Variants in BABAM2 observed in about 807,000 individuals in gnomAD.
The protein encoded by BABAM2 is BRISC and BRCA1 A complex member 2.
In BABAM2, 31 loss-of-function variants were observed where a neutral mutation model predicts 54.7. The observed-to-expected ratio is 0.57, with a 90% CI of 0.43 to 0.77. The LOEUF is 0.77. Among genes scored for constraint, BABAM2 ranks in the 30% least tolerant of loss-of-function variants. BABAM2 has a pLI of 0.00. For synonymous variants in BABAM2, 167 were observed against 162.9 expected, an observed-to-expected ratio of 1.03 and a Z score of -0.19; for missense variants, 364 against 455.8, an observed-to-expected ratio of 0.80 and a Z score of 1.83.
chr2:28,040,450 G>A (rs1677005899), intron 5 of BABAM2, among the ~76,000 whole-genome samples: 1 of 150,878 alleles, frequency 6.6e-6, no homozygotes, highest in South Asian at 2.1e-4. Context: ...ACAGGCGCCC[G>A]CCACTACGCC....
intron 7 of BABAM2, among the ~76,000 whole-genome samples, chr2:28,171,554 G>C (rs182220030): frequency 6.6e-6 from 1 of 152,120 alleles, no homozygotes; most frequent in African/African-American, 2.4e-5. Flanking sequence ...AGATCTTCCC[G>C]TAATAAAGGC....
At chr2:28,158,091 A>G (rs1662780873) in intron 7 of BABAM2, among the ~76,000 whole-genome samples, 4 of 152,262 alleles carry the variant, frequency 2.6e-5, no homozygotes. Flanking sequence ...GATCACAAAT[A>G]TAATAAAAAG....
rs573042428 is a variant in BABAM2 at position 28,160,485 on chromosome 2, C to A, written c.680+31105C>A. ...TACAGAGGCAGTAATTTAAGGGAGCCCCCAGAAGTGCACGTATGCACAGTC... is the reference window on the plus strand; with the variant it reads ...TACAGAGGCAGTAATTTAAGGGAGCACCCAGAAGTGCACGTATGCACAGTC... On this transcript the variant is annotated intron_variant, in intron 7 of 11. Coordinates refer to ENST00000379624, the MANE Select transcript of BABAM2 (RefSeq NM_199191.3). Among the ~76,000 whole-genome samples, 25 of 152,256 alleles carry A rather than the reference C, an allele frequency of 1.6e-4. 1 individual carries two copies. In the South Asian group the frequency reaches 5.0e-3, roughly 30 times the overall value.
intron 6 of BABAM2, among the ~76,000 whole-genome samples, chr2:28,071,292 G>A (rs184487107): frequency 2.0e-5 from 3 of 151,710 alleles, no homozygotes; most frequent in East Asian, 3.9e-4. Flanking sequence ...TTTTCTTATC[G>A]TTTTGTTATT....
chr2:27,961,869 A>G (rs895242861), intron 3 of BABAM2, among the ~76,000 whole-genome samples: 1 of 151,494 alleles, frequency 6.6e-6, no homozygotes, highest in South Asian at 2.1e-4. Flanking sequence ...CTGGGACTAC[A>G]GGCATGCACC....
chr2:28,170,544 G>GA (rs1674210318), intron 7 of BABAM2, among the ~76,000 whole-genome samples: 1 of 151,864 alleles, frequency 6.6e-6, no homozygotes, highest in South Asian at 2.1e-4. Context: ...TATTAATACT[G>GA]AAAATAAAGA....
intron 10 of BABAM2, among the ~76,000 whole-genome samples, chr2:28,265,109 A>G (rs766246091): frequency 3.9e-4 from 59 of 152,142 alleles, no homozygotes; most frequent in Admixed American, 1.2e-3. Context: ...TTTGCCCTAT[A>G]AAGTGTGTTA....
At chr2:28,203,077 A>T (rs541778296) in intron 7 of BABAM2, among the ~76,000 whole-genome samples, 1 of 152,308 alleles carries the variant, frequency 6.6e-6, no homozygotes, top group Non-Finnish European at 1.5e-5. Flanking sequence ...GAAAGCCAAA[A>T]TGAAGTGTCA....
intron 4 of BABAM2, among the ~76,000 whole-genome samples, chr2:27,993,515 C>G (rs1371592166): frequency 1.3e-5 from 2 of 152,098 alleles, no homozygotes; most frequent in African/African-American, 4.8e-5. Flanking sequence ...GTTCATCTCC[C>G]TCAAAGGATA....
Position 27,894,625 on chromosome 2 carries a change from G to C in BABAM2, c.69G>C (p.Arg23=), listed in dbSNP as rs768775662. 3.7e-6 allele frequency: 6 copies of C among 1,614,158 alleles called. No individual in the cohort carries two copies. The highest frequency in any genetic ancestry group is 4.2e-6 in the Non-Finnish European group (5 of 1,180,014). ...CCCCTTTCATATCTAGCGTGGTCCG[G>C]AATGGAAAAGTGGGACTGGATGCTA... ...MLSPFISSVV[R]NGKVGLDATN... Residue 23 remains arginine (R), a synonymous_variant, in exon 2 of 12, where the codon CGG becomes CGC. Coordinates refer to ENST00000379624, the MANE Select transcript of BABAM2 (RefSeq NM_199191.3).
chr2:28,088,963 A>G (rs946244027), intron 6 of BABAM2, among the ~76,000 whole-genome samples: 29 of 152,086 alleles, frequency 1.9e-4, no homozygotes, highest in Non-Finnish European at 1.2e-4. Flanking sequence ...TTTATTCACC[A>G]TTGTATCCTA....
chr2:28,316,471 TTACCCCAGCCTTCACA>T (rs1015574743), intron 11 of BABAM2, among the ~76,000 whole-genome samples: 2 of 151,240 alleles, frequency 1.3e-5, no homozygotes, highest in Non-Finnish European at 3.0e-5. Context: ...GAAGAATGTC[TTACCCCAGCCTTCACA>T]TATCCTCAGC....
intron 4 of BABAM2, among the ~76,000 whole-genome samples, chr2:27,996,133 T>C (rs1191533025): frequency 6.6e-6 from 1 of 152,196 alleles, no homozygotes; most frequent in Admixed American, 6.5e-5. Context: ...TGTGGTTCTG[T>C]TTTTGGTGTT....
At chr2:28,079,799 T>C (rs912287448) in intron 6 of BABAM2, among the ~76,000 whole-genome samples, 1 of 152,170 alleles carries the variant, frequency 6.6e-6, no homozygotes, top group African/African-American at 2.4e-5. Flanking sequence ...GACAGTGTCA[T>C]AGACATTAGA....
At chr2:27,926,256 C>T (rs969851018) in intron 2 of BABAM2, among the ~76,000 whole-genome samples, 6 of 152,100 alleles carry the variant, frequency 3.9e-5, no homozygotes, top group Non-Finnish European at 8.8e-5. Context: ...CCCTCTCTCC[C>T]TCATTTACTG....
chr2:28,119,221 C>T (rs914524874), intron 6 of BABAM2, among the ~76,000 whole-genome samples: 2 of 152,122 alleles, frequency 1.3e-5, no homozygotes, highest in Non-Finnish European at 2.9e-5. Flanking sequence ...TTTAAGTAAG[C>T]CCAGAGGAAG....
At chr2:28,068,186 G>T (rs538169814) in intron 6 of BABAM2, among the ~76,000 whole-genome samples, 1 of 152,020 alleles carries the variant, frequency 6.6e-6, no homozygotes, top group Admixed American at 6.5e-5. Context: ...TGAGACTACC[G>T]TAATAAAGAA....
At chr2:28,208,291 T>C (rs1008601841) in intron 7 of BABAM2, among the ~76,000 whole-genome samples, 2 of 152,240 alleles carry the variant, frequency 1.3e-5, no homozygotes, top group African/African-American at 4.8e-5. Flanking sequence ...ATTTATGAAA[T>C]GTTTCCTAAC....
Position 28,159,772 on chromosome 2 carries a change from C to A in BABAM2, c.680+30392C>A, listed in dbSNP as rs528387260. Reference sequence around the variant, plus strand: ...GCAAGCACCTGTAATCCCAGCGACTCAGGAGGCTAAGGCAGGAGAATTGCT... The same window carrying A: ...GCAAGCACCTGTAATCCCAGCGACTAAGGAGGCTAAGGCAGGAGAATTGCT... On this transcript the variant is annotated intron_variant, in intron 7 of 11. Coordinates refer to ENST00000379624, the MANE Select transcript of BABAM2 (RefSeq NM_199191.3). Among the ~76,000 whole-genome samples, 9 of 151,924 alleles carry A rather than the reference C, an allele frequency of 5.9e-5. No individual in the cohort carries two copies. The South Asian group carries it at 1.7e-3, about 28-fold the overall frequency.
Sources: gnomAD v4.1 joint callset for allele counts (sites outside exome capture counted in the v4.1 genomes callset) on GRCh38, gnomAD v4.1.1 for gene constraint, MANE v1.5 for transcripts, NCBI Gene and HGNC (gene_info 2026-07-23, HGNC 2026-07-21) for gene names.